Variants in FAM171B observed in about 807,000 individuals in gnomAD.
FAM171B encodes protein FAM171B.
FAM171B carries 19 observed loss-of-function variants against 75.6 expected under a neutral mutation model. That is an observed-to-expected ratio of 0.25 (90% CI 0.18 to 0.37). FAM171B has a LOEUF of 0.37. Ranked by LOEUF, FAM171B falls within the 10% of genes least tolerant of loss-of-function variation. The pLI is 1.00. For synonymous variants in FAM171B, 367 were observed against 361.7 expected (o/e 1.01, Z -0.17); for missense variants, 848 against 982.4 (o/e 0.86, Z 1.83).
intron 1 of FAM171B, among the ~76,000 whole-genome samples, chr2:186,736,728 G>A (rs1054926619): frequency 1.8e-5 from 2 of 108,968 alleles, no homozygotes; most frequent in African/African-American, 7.0e-5. Flanking sequence ...GGTTATATTT[G>A]TATTTGAAAT....
chr2:186,728,170 A>G (rs557763679), intron 1 of FAM171B, among the ~76,000 whole-genome samples: 1 of 152,278 alleles, frequency 6.6e-6, no homozygotes, highest in African/African-American at 2.4e-5. Flanking sequence ...GATAGTGTAA[A>G]CTGATAGCAA....
At chr2:186,716,088 C>A (rs1183867763) in intron 1 of FAM171B, among the ~76,000 whole-genome samples, 4 of 152,174 alleles carry the variant, frequency 2.6e-5, no homozygotes, top group African/African-American at 9.7e-5. Flanking sequence ...GGAGGGCTCA[C>A]TGCAGCCTCA....
At position 186,765,695 on chromosome 2, in the gene FAM171B, TA is replaced by T. The variant is rs1157696237; in HGVS notation, c.*2874del. Reference sequence around the variant, plus strand: ...TGAAGCTCAAAGTCACACATTCTTATAAGGCGCATGAGTTTCTCATTTTCCC... The same window carrying T: ...TGAAGCTCAAAGTCACACATTCTTATAGGCGCATGAGTTTCTCATTTTCCC... On this transcript the variant is annotated 3_prime_UTR_variant, in exon 8 of 8. Coordinates refer to ENST00000304698, the MANE Select transcript of FAM171B (RefSeq NM_177454.4). 6.6e-6 allele frequency: 1 copy of T among 152,090 alleles called. No homozygotes were observed. The highest frequency in any genetic ancestry group is 1.5e-5 in the Non-Finnish European group (1 of 67,964). 9.4% of individuals were successfully genotyped at this position (152,090 alleles called of 1,614,324 possible).
chr2:186,701,333 A>T (rs1057219018), intron 1 of FAM171B, among the ~76,000 whole-genome samples: 29 of 152,210 alleles, frequency 1.9e-4, no homozygotes, highest in African/African-American at 7.0e-4. Context: ...CCATCCTCTT[A>T]TGTAGTTACC....
intron 1 of FAM171B, among the ~76,000 whole-genome samples, chr2:186,725,301 G>A (rs182553562): frequency 5.5e-4 from 81 of 147,828 alleles, no homozygotes; most frequent in African/African-American, 1.9e-3. Flanking sequence ...CCGAGACCAC[G>A]CCACTGCACT....
intron 1 of FAM171B, among the ~76,000 whole-genome samples, chr2:186,728,048 T>C (rs1574103971): frequency 1.3e-5 from 2 of 152,134 alleles, no homozygotes; most frequent in East Asian, 3.9e-4. Context: ...TTTGGGTTCC[T>C]ACCACAACAT....
intron 1 of FAM171B, among the ~76,000 whole-genome samples, chr2:186,722,438 G>A (rs1689969281): frequency 6.6e-6 from 1 of 151,996 alleles, no homozygotes. Flanking sequence ...AAAAAAAAGG[G>A]ACTTAACTAG....
intron 1 of FAM171B, among the ~76,000 whole-genome samples, chr2:186,729,434 A>T (rs55970512): frequency 0.26 from 33,429 of 128,446 alleles, 3,920 homozygotes; most frequent in South Asian, 0.37. Flanking sequence ...ATGCCAAAGT[A>T]TTTTTTTTTT....
At position 186,739,463 on chromosome 2, in the gene FAM171B, CT is replaced by C. The variant is rs998769854; in HGVS notation, c.239-759del. ...TTTTTTTCTATCCTTATTTGATAAG[CT>C]TTTTTCTATTTTAAAAATTTTTTAC... is the stretch of plus-strand genomic sequence containing the variant. On this transcript the variant is annotated intron_variant, in intron 1 of 7. Transcript: ENST00000304698. Among the ~76,000 whole-genome samples the C allele has an allele frequency of 3.3e-4, 50 of 152,128 alleles. 1 individual carries two copies. The highest frequency in any genetic ancestry group is 5.0e-4 in the Non-Finnish European group (34 of 67,974).
intron 1 of FAM171B, among the ~76,000 whole-genome samples, chr2:186,726,937 G>A (rs1690042003): frequency 1.3e-5 from 2 of 152,184 alleles, no homozygotes; most frequent in Middle Eastern, 6.8e-3. Context: ...TGTAATTTCT[G>A]GTGGCCCCTG....
chr2:186,746,147 A>C (rs1402064024), intron 3 of FAM171B, among the ~76,000 whole-genome samples: 1 of 152,210 alleles, frequency 6.6e-6, no homozygotes, highest in Non-Finnish European at 1.5e-5. Context: ...TTGATCTTTG[A>C]ATTATTAAAT....
chr2:186,718,506 C>G (rs907037881), intron 1 of FAM171B, among the ~76,000 whole-genome samples: 4 of 152,124 alleles, frequency 2.6e-5, no homozygotes, highest in Non-Finnish European at 5.9e-5. Context: ...ATCCCATATT[C>G]CCTCATTTAG....
At chr2:186,698,544 T>C (rs1214887358) in intron 1 of FAM171B, among the ~76,000 whole-genome samples, 1 of 152,180 alleles carries the variant, frequency 6.6e-6, no homozygotes, top group African/African-American at 2.4e-5. Flanking sequence ...ACAGTAGGTG[T>C]ATATATTTAT....
rs562091888 is a variant in FAM171B, at chr2:186,705,466, G to C, written c.238+11055G>C. On this transcript the variant is annotated intron_variant, in intron 1 of 7. Coordinates refer to ENST00000304698, the MANE Select transcript of FAM171B (RefSeq NM_177454.4). ...AAGGGAGCCAATAGAAGGGTGTAGG[G>C]GGTTCCTGGGAACCCTGAAACTAAT... Among the ~76,000 whole-genome samples, 30 of 152,092 alleles carry C rather than the reference G, an allele frequency of 2.0e-4. 1 individual carries two copies. Among genetic ancestry groups the C allele is most frequent in the African/African-American group, 7.2e-4 (30 of 41,496 alleles).
At chr2:186,697,762 A>C (rs1348753019) in intron 1 of FAM171B, among the ~76,000 whole-genome samples, 1 of 152,218 alleles carries the variant, frequency 6.6e-6, no homozygotes, top group Non-Finnish European at 1.5e-5. Flanking sequence ...AAGCCTTATC[A>C]GTCCATAGTA....
intron 4 of FAM171B, among the ~76,000 whole-genome samples, chr2:186,750,099 A>G (rs1222349762): frequency 6.6e-6 from 1 of 152,204 alleles, no homozygotes; most frequent in East Asian, 1.9e-4. Context: ...ACAAATTTCT[A>G]GTTTTGAAGC....
chr2:186,694,825 C>T lies in FAM171B; in HGVS notation c.238+414C>T, dbSNP rs1211545713. Among the ~76,000 whole-genome samples the T allele has an allele frequency of 5.3e-5, 8 of 151,378 alleles. No individual in the cohort carries two copies. In the East Asian group the frequency reaches 1.6e-3, roughly 29 times the overall value. On this transcript the variant is annotated intron_variant, in intron 1 of 7. Transcript: ENST00000304698. ...TTAAATCCCTTAAACATTTTGTTCT[C>T]TATCCTTTTCTCTCCTAGAGACTGA...
At chr2:186,703,540 A>G (rs984598510) in intron 1 of FAM171B, among the ~76,000 whole-genome samples, 6 of 152,228 alleles carry the variant, frequency 3.9e-5, no homozygotes, top group African/African-American at 9.6e-5. Flanking sequence ...TAATAGGAAC[A>G]TGACACAAAC....
intron 1 of FAM171B, among the ~76,000 whole-genome samples, chr2:186,730,754 C>G (rs1690103135): frequency 6.6e-6 from 1 of 152,106 alleles, no homozygotes; most frequent in South Asian, 2.1e-4. Flanking sequence ...TCAAATCCAG[C>G]TTCAGAATGT....
Sources: allele counts gnomAD v4.1 joint callset (sites outside exome capture counted in the v4.1 genomes callset), GRCh38; gene constraint gnomAD v4.1.1; transcripts MANE v1.5; gene names NCBI Gene and HGNC (gene_info 2026-07-23, HGNC 2026-07-21).